Variants in MALRD1 observed in about 807,000 individuals in gnomAD.
The protein encoded by MALRD1 is MAM and LDL receptor class A domain containing 1, also known as MAM and LDL-receptor class A domain-containing protein 1.
A neutral mutation model predicts 242.1 loss-of-function variants in MALRD1; 247 were observed. The observed-to-expected ratio is 1.02, with a 90% confidence interval of 0.92 to 1.13. The LOEUF (loss-of-function observed/expected upper bound fraction) is 1.13. Ranked by LOEUF, MALRD1 falls within the 50% of genes most tolerant of loss-of-function variation. MALRD1 has a pLI of 0.00. For synonymous variants in MALRD1, 995 were observed against 866.6 expected, an observed-to-expected ratio of 1.15 and a Z score of -2.60; for missense variants, 2,989 against 2,533.1, an observed-to-expected ratio of 1.18 and a Z score of -3.86.
intron 26 of MALRD1, among the ~76,000 whole-genome samples, chr10:19,361,865 A>G (rs1844911147): frequency 6.6e-6 from 1 of 152,074 alleles, no homozygotes; most frequent in African/African-American, 2.4e-5. Flanking sequence ...TTTCTTATCA[A>G]AAGTTCGGTT....
At chr10:19,051,635 CG>C (rs1834498896) in intron 1 of MALRD1, 1 of 152,946 alleles carries the variant, frequency 6.5e-6, no homozygotes, top group Non-Finnish European at 1.5e-5. Context: ...TTATGAAAAC[CG>C]AATATAGGCT....
chr10:19,591,051 C>A (rs757119331), intron 33 of MALRD1, among the ~76,000 whole-genome samples: 10 of 152,306 alleles, frequency 6.6e-5, no homozygotes, highest in Non-Finnish European at 1.3e-4. Flanking sequence ...TCTACCTATT[C>A]ATTCCTCCTT....
At position 19,498,653 on chromosome 10, in the gene MALRD1, C is replaced by A; in HGVS notation, c.5320+7C>A. ...GACTCTGATCACACGCCAGGTAAAT[C>A]TAGTAGCCATCCCCAGACCAAGAAA... is the stretch of plus-strand genomic sequence containing the variant. On this transcript the variant is annotated splice_region_variant and intron_variant, in intron 31 of 39. Coordinates refer to ENST00000454679, the MANE Select transcript of MALRD1 (RefSeq NM_001142308.3). 6.5e-7 allele frequency: 1 copy of A among 1,546,026 alleles called. No individual in the cohort carries two copies. The highest frequency in any genetic ancestry group is 1.2e-5 in the South Asian group (1 of 83,782).
chr10:19,606,999 C>T (rs1369412496), intron 34 of MALRD1, among the ~76,000 whole-genome samples: 10 of 152,198 alleles, frequency 6.6e-5, no homozygotes, highest in Non-Finnish European at 1.2e-4. Flanking sequence ...ACGTTGTATA[C>T]AGAAAGGTAA....
At chr10:19,542,234 G>C (rs1245493916) in intron 32 of MALRD1, among the ~76,000 whole-genome samples, 2 of 152,084 alleles carry the variant, frequency 1.3e-5, no homozygotes, top group East Asian at 3.9e-4. Flanking sequence ...GTCTCGGTCT[G>C]AAGCTGAATA....
intron 19 of MALRD1, among the ~76,000 whole-genome samples, chr10:19,275,943 T>C (rs1181461453): frequency 1.3e-5 from 2 of 152,172 alleles, no homozygotes; most frequent in African/African-American, 2.4e-5. Context: ...ACTTTTACTG[T>C]TCTAGTAATG....
chr10:19,358,335 A>G (rs182933276), intron 26 of MALRD1, among the ~76,000 whole-genome samples: 4 of 152,180 alleles, frequency 2.6e-5, no homozygotes, highest in Admixed American at 1.3e-4. Context: ...ATGTAAAACA[A>G]TGAGGACTGA....
intron 12 of MALRD1, among the ~76,000 whole-genome samples, chr10:19,157,643 C>T (rs999406487): frequency 3.3e-5 from 5 of 152,082 alleles, no homozygotes; most frequent in African/African-American, 9.7e-5. Flanking sequence ...CGAATTGGAA[C>T]GTATTGATAA....
intron 21 of MALRD1, among the ~76,000 whole-genome samples, chr10:19,308,226 A>C (rs936247291): frequency 1.3e-5 from 2 of 151,272 alleles, no homozygotes; most frequent in African/African-American, 4.8e-5. Context: ...TCTATTCTGC[A>C]TGTCTGTGTG....
chr10:19,268,839 CA>C (rs1252344889), intron 19 of MALRD1, among the ~76,000 whole-genome samples: 3 of 152,144 alleles, frequency 2.0e-5, no homozygotes, highest in Admixed American at 2.0e-4. Context: ...ATATGTGTTA[CA>C]GTGAACTTAC....
intron 4 of MALRD1, among the ~76,000 whole-genome samples, chr10:19,097,393 TA>T (rs1362480735): frequency 6.6e-6 from 1 of 152,186 alleles, no homozygotes; most frequent in Non-Finnish European, 1.5e-5. Context: ...TATGACTCAT[TA>T]AATATTCTTT....
intron 29 of MALRD1, among the ~76,000 whole-genome samples, chr10:19,488,059 G>C (rs1837313065): frequency 6.6e-6 from 1 of 151,636 alleles, no homozygotes; most frequent in Non-Finnish European, 1.5e-5. Context: ...TGTAACAAAG[G>C]AACTGCTGAA....
intron 26 of MALRD1, among the ~76,000 whole-genome samples, chr10:19,363,424 G>A (rs1844980843): frequency 6.6e-6 from 1 of 152,128 alleles, no homozygotes; most frequent in African/African-American, 2.4e-5. Flanking sequence ...TTACCCAGGA[G>A]TGACTACGTC....
chr10:19,729,851 C>T (rs1835211859), intron 38 of MALRD1, among the ~76,000 whole-genome samples: 1 of 147,346 alleles, frequency 6.8e-6, no homozygotes, highest in Non-Finnish European at 1.5e-5. Context: ...ATTCTCCTGC[C>T]TCAGCCTCCC....
chr10:19,186,935 A>G (rs995114947), intron 14 of MALRD1, among the ~76,000 whole-genome samples: 1 of 152,172 alleles, frequency 6.6e-6, no homozygotes, highest in Non-Finnish European at 1.5e-5. Flanking sequence ...AAGTGTTCCA[A>G]GCATCCAAGC....
At position 19,387,533 on chromosome 10, in the gene MALRD1, T is replaced by C; in HGVS notation, c.4447T>C (p.Cys1483Arg). 1 of 1,549,814 alleles carries C rather than the reference T, an allele frequency of 6.5e-7. No homozygotes were observed. Among genetic ancestry groups the C allele is most frequent in the South Asian group, 1.2e-5 (1 of 83,978 alleles). Residue 1483 changes from cysteine to arginine, a missense_variant, in exon 27 of 40, where the codon TGC becomes CGC. Physicochemically the swap from Cys to Arg is radical, Grantham distance 180. Coordinates refer to ENST00000454679, the MANE Select transcript of MALRD1 (RefSeq NM_001142308.3). ...TTTCTTTTGTTTTGTTTTAGGTTTC[T>C]GCCCACTTGGCTATAGGGAATGTCA... ...ELAVPLPTGF[C>R]PLGYRECHNG...
intron 33 of MALRD1, among the ~76,000 whole-genome samples, chr10:19,580,729 T>G (rs540737872): frequency 6.6e-6 from 1 of 152,340 alleles, no homozygotes; most frequent in East Asian, 1.9e-4. Flanking sequence ...GTTATCATTT[T>G]GTGCTTGGCA....
chr10:19,463,865 C>T (rs10764022), intron 29 of MALRD1, among the ~76,000 whole-genome samples: 50,678 of 151,860 alleles, frequency 0.33, 8,535 homozygotes, highest in East Asian at 0.46. Context: ...GTGCCACATC[C>T]GCACCAACAT....
At chr10:19,624,821 G>A (rs1456398473) in intron 36 of MALRD1, among the ~76,000 whole-genome samples, 2 of 145,728 alleles carry the variant, frequency 1.4e-5, no homozygotes, top group African/African-American at 5.1e-5. Context: ...AGCTGAGATC[G>A]CACCACTGCA....
Sources: allele counts gnomAD v4.1 joint callset (sites outside exome capture counted in the v4.1 genomes callset), GRCh38; gene constraint gnomAD v4.1.1; transcripts MANE v1.5; gene names NCBI Gene and HGNC (gene_info 2026-07-23, HGNC 2026-07-21).